Variants in PLXND1 observed in about 807,000 individuals in gnomAD.
PLXND1 encodes the protein plexin D1.
A neutral mutation model predicts 197.7 loss-of-function variants in PLXND1; 54 were observed. The ratio of observed to expected loss-of-function variants is 0.27; its 90% confidence interval spans 0.22 to 0.34. The LOEUF is 0.34. Among genes scored for constraint, PLXND1 ranks in the 10% least tolerant of loss-of-function variants. PLXND1 has a pLI of 1.00. For missense variants in PLXND1, 2,127 were observed against 2,699.2 expected (o/e 0.79, Z 4.70); for synonymous variants, 1,180 against 1,161.2 (o/e 1.02, Z -0.33).
At chr3:129,601,887 C>A (rs1256285871) in intron 1 of PLXND1, among the ~76,000 whole-genome samples, 1 of 152,202 alleles carries the variant, frequency 6.6e-6, no homozygotes, top group East Asian at 1.9e-4. Flanking sequence ...CAAGGCCGGC[C>A]CCATCTCCCC....
chr3:129,601,156 C>T (rs2085702270), intron 1 of PLXND1, among the ~76,000 whole-genome samples: 2 of 152,132 alleles, frequency 1.3e-5, no homozygotes, highest in Admixed American at 1.3e-4. Context: ...GAAAGGGATC[C>T]AAGCTACATG....
In PLXND1 at chr3:129,562,975, T is replaced by C. The variant is rs199774043; in HGVS notation, c.4669-32A>G. 2.2e-4 allele frequency: 347 copies of C among 1,602,542 alleles called. 6 individuals carry two copies. The East Asian group carries it at 6.1e-3, about 28-fold the overall frequency. On this transcript the variant is annotated intron_variant, in intron 26 of 35. Coordinates refer to ENST00000324093, the MANE Select transcript of PLXND1 (RefSeq NM_015103.3). ...GGGGAGAGTGGGAGAGAAAGGTCAGTGAGTTGCTGCCATCACTATGTCAGT... is the reference window on the plus strand; with the variant it reads ...GGGGAGAGTGGGAGAGAAAGGTCAGCGAGTTGCTGCCATCACTATGTCAGT...
rs372964683 is a variant in PLXND1 at position 129,589,489 on chromosome 3, C to T, written c.1350G>A (p.Leu450=). The change falls in exon 2 of 36, where the codon CTG becomes CTA. Residue 450 remains leucine, a synonymous_variant. Transcript: ENST00000324093. ...GCTGCAGGATGGACAGCGGGTGCTG[C>T]AGGTGAGCAGCTCCACAGTCCAGCT... ...PEQLDCGAAH[L]QHPLSILQPL... is the part of the protein sequence containing the mutation. 4.8e-4 allele frequency: 767 copies of T among 1,604,066 alleles called. 1 individual carries two copies. Among genetic ancestry groups the T allele is most frequent in the Non-Finnish European group, 6.3e-4 (737 of 1,176,024 alleles).
intron 22 of PLXND1, 121 bp from the exon 23 acceptor site, chr3:129,566,752 C>T: frequency 1.6e-6 from 1 of 620,656 alleles, no homozygotes; most frequent in Non-Finnish European, 2.8e-6. Flanking sequence ...ACGGAATTAG[C>T]TCCCCATAAA....
At chr3:129,566,049 AG>A in intron 23 of PLXND1, 32 bp from the exon 24 acceptor site, 1 of 1,612,546 alleles carries the variant, frequency 6.2e-7, no homozygotes, top group Non-Finnish European at 8.5e-7. Flanking sequence ...GGGTGTCCAG[AG>A]GGGCCCAGTG....
chr3:129,564,496 CA>C (rs540732169), intron 25 of PLXND1, among the ~76,000 whole-genome samples: 2 of 152,210 alleles, frequency 1.3e-5, no homozygotes, highest in African/African-American at 2.4e-5. Context: ...AAATTAATAA[CA>C]AAAAACAGAA....
chr3:129,556,884 G>A, intron 34 of PLXND1, 193 bp from the exon 35 acceptor site: 1 of 701,948 alleles, frequency 1.4e-6, no homozygotes, highest in Non-Finnish European at 2.4e-6. Flanking sequence ...TCTCCATCCA[G>A]AGGGTGCTCT....
At chr3:129,576,290 C>G (rs2085313495) in intron 9 of PLXND1, among the ~76,000 whole-genome samples, 1 of 152,228 alleles carries the variant, frequency 6.6e-6, no homozygotes, top group Admixed American at 6.5e-5. Context: ...CCTGAGCCCT[C>G]CCCTCGCCTG....
intron 1 of PLXND1, among the ~76,000 whole-genome samples, chr3:129,599,696 G>C (rs2085678982): frequency 6.6e-6 from 1 of 152,190 alleles, no homozygotes; most frequent in African/African-American, 2.4e-5. Context: ...CCATCCCCCA[G>C]CATGTGGCCT....
At position 129,556,442 on chromosome 3, in the gene PLXND1, C is replaced by G; in HGVS notation, c.5662-14G>C. ...CGCGGCCATGATCTGAGGGGAGCAG[C>G]GGAGTCAGCCGGGCCATGGCCGGTA... On this transcript the variant is annotated splice_polypyrimidine_tract_variant and intron_variant, in intron 35 of 35. Transcript: ENST00000324093. 5.0e-6 allele frequency: 8 copies of G among 1,596,930 alleles called. No individual in the cohort carries two copies. Among genetic ancestry groups the G allele is most frequent in the Non-Finnish European group, 6.9e-6 (8 of 1,164,496 alleles).
intron 8 of PLXND1, among the ~76,000 whole-genome samples, chr3:129,583,223 G>GT (rs1463992094): frequency 6.6e-6 from 1 of 152,184 alleles, no homozygotes; most frequent in African/African-American, 2.4e-5. Context: ...TGCAGTGGGG[G>GT]TATAAACTGG....
At chr3:129,592,541 C>G (rs542323812) in intron 1 of PLXND1, among the ~76,000 whole-genome samples, 1 of 152,056 alleles carries the variant, frequency 6.6e-6, no homozygotes, top group African/African-American at 2.4e-5. Context: ...GCGCCCAGCT[C>G]GGGGTGATCT....
intron 2 of PLXND1, 70 bp from the exon 3 acceptor site, chr3:129,586,789 A>G (rs1413289102): frequency 1.3e-6 from 2 of 1,543,562 alleles, no homozygotes; most frequent in East Asian, 4.8e-5. Context: ...GGACAACCTG[A>G]GCCCGGGTCT....
intron 8 of PLXND1, among the ~76,000 whole-genome samples, chr3:129,582,965 T>C (rs1239299589): frequency 6.6e-6 from 1 of 152,150 alleles, no homozygotes; most frequent in Non-Finnish European, 1.5e-5. Context: ...CCATCCTCCC[T>C]GTCCAGGGAC....
intron 1 of PLXND1, among the ~76,000 whole-genome samples, chr3:129,601,580 C>G (rs1472941985): frequency 2.0e-5 from 3 of 152,200 alleles, no homozygotes; most frequent in Non-Finnish European, 2.9e-5. Context: ...CCACCCAGTG[C>G]CAGTGACAGA....
At chr3:129,566,943 G>A (rs1045000453) in intron 22 of PLXND1, among the ~76,000 whole-genome samples, 8 of 152,220 alleles carry the variant, frequency 5.3e-5, no homozygotes, top group Non-Finnish European at 1.2e-4. Context: ...GGAGGGTTTC[G>A]TGAAAAATGA....
chr3:129,562,705 G>A, intron 27 of PLXND1, 82 bp downstream of exon 27: 3 of 1,328,884 alleles, frequency 2.3e-6, no homozygotes, highest in South Asian at 1.4e-5. Flanking sequence ...CATGCCAGGT[G>A]AAAGGAGTGT....
chr3:129,571,774 G>A lies in PLXND1; in HGVS notation c.3148C>T (p.Arg1050Cys), dbSNP rs1365969788. Residue 1050 changes from arginine (R) to cysteine (C), a missense_variant, in exon 16 of 36, where the codon CGC becomes TGC. By Grantham distance (180) the Arg-to-Cys change is radical. Coordinates refer to ENST00000324093, the MANE Select transcript of PLXND1 (RefSeq NM_015103.3). ...ALPAPVPVCVRFERRGCVHGN... is the reference protein window; with the variant it reads ...ALPAPVPVCVCFERRGCVHGN... ...TGCACGCAGCCCCGACGCTCGAAGC[G>A]CACACACACAGGCACCGGAGCCGGC... is the stretch of plus-strand genomic sequence containing the variant. The A allele has an allele frequency of 1.5e-5, 24 of 1,613,250 alleles. No individual in the cohort carries two copies. Among genetic ancestry groups the A allele is most frequent in the East Asian group, 8.9e-5 (4 of 44,876 alleles).
At chr3:129,571,402 A>G (rs2085225644) in intron 17 of PLXND1, 99 bp from the exon 18 acceptor site, 2 of 1,518,624 alleles carry the variant, frequency 1.3e-6, no homozygotes. Flanking sequence ...ACAGAGGCAG[A>G]GGGAGGAAGA....
Sources: allele counts gnomAD v4.1 joint callset (sites outside exome capture counted in the v4.1 genomes callset), GRCh38; gene constraint gnomAD v4.1.1; transcripts MANE v1.5; gene names NCBI Gene and HGNC (gene_info 2026-07-23, HGNC 2026-07-21).